WDFY1: variants seen among roughly 807,000 people sequenced by gnomAD.
WDFY1 encodes the protein WD repeat and FYVE domain-containing protein 1.
A neutral mutation model predicts 56.4 loss-of-function variants in WDFY1; 32 were observed. The observed-to-expected ratio is 0.57, with a 90% confidence interval of 0.43 to 0.76. The LOEUF (loss-of-function observed/expected upper bound fraction) is 0.76. Ranked by LOEUF, WDFY1 falls within the 30% of genes least tolerant of loss-of-function variation. WDFY1 has a pLI of 0.00. For synonymous variants in WDFY1, 192 were observed against 197.3 expected, an observed-to-expected ratio of 0.97 and a Z score of 0.23; for missense variants, 480 against 545.7, an observed-to-expected ratio of 0.88 and a Z score of 1.20.
chr2:223,942,004 TC>T (rs1252365205), intron 1 of WDFY1, among the ~76,000 whole-genome samples: 1 of 152,144 alleles, frequency 6.6e-6, no homozygotes, highest in Non-Finnish European at 1.5e-5. Context: ...CCCATCCTGG[TC>T]CAGTCATCTA....
intron 2 of WDFY1, 62 bp downstream of exon 2, chr2:223,917,881 A>T: frequency 6.3e-7 from 1 of 1,598,650 alleles, no homozygotes; most frequent in Non-Finnish European, 8.6e-7. Flanking sequence ...CGACATTTTG[A>T]AATTTAAATC....
Position 223,895,647 on chromosome 2 carries a change from G to A in WDFY1, c.599-17C>T, listed in dbSNP as rs200578393. On this transcript the variant is annotated splice_polypyrimidine_tract_variant and intron_variant, in intron 6 of 11. Coordinates refer to ENST00000233055, the MANE Select transcript of WDFY1 (RefSeq NM_020830.5). ...CGACACTACCTAGGGATTTGTGAGA[G>A]AGAGAGAGAGAGGGAGGCAGGGGAG... The A allele has an allele frequency of 6.2e-7, 1 of 1,611,692 alleles. No homozygotes were observed. The highest frequency in any genetic ancestry group is 8.5e-7 in the Non-Finnish European group (1 of 1,178,416).
intron 1 of WDFY1, among the ~76,000 whole-genome samples, chr2:223,939,224 C>T (rs1267447685): frequency 6.6e-6 from 1 of 152,152 alleles, no homozygotes; most frequent in Non-Finnish European, 1.5e-5. Context: ...GGGTGGGGTC[C>T]AGCAACCCGA....
At chr2:223,884,909 T>C (rs990784750) in intron 8 of WDFY1, among the ~76,000 whole-genome samples, 160 bp from the exon 9 acceptor site, 3 of 151,012 alleles carry the variant, frequency 2.0e-5, no homozygotes, top group Non-Finnish European at 4.4e-5. Context: ...ATGTGTGATC[T>C]TGGCTCACTG....
intron 3 of WDFY1, among the ~76,000 whole-genome samples, chr2:223,911,264 T>C (rs1293166721): frequency 2.0e-5 from 3 of 152,028 alleles, no homozygotes; most frequent in Non-Finnish European, 2.9e-5. Flanking sequence ...TGACTGCTAA[T>C]GGGTATGGGA....
chr2:223,884,629 C>T lies in WDFY1; in HGVS notation c.933+19G>A. The T allele has an allele frequency of 5.0e-6, 8 of 1,610,606 alleles. No individual in the cohort carries two copies. Among genetic ancestry groups the T allele is most frequent in the Non-Finnish European group, 6.8e-6 (8 of 1,176,904 alleles). ...AAATACACAATCAAGCCAGAGATGA[C>T]TCGACAGTGGCTACTCACTTGTCTT... On this transcript the variant is annotated intron_variant, in intron 9 of 11. Coordinates refer to ENST00000233055, the MANE Select transcript of WDFY1 (RefSeq NM_020830.5).
chr2:223,945,052 C>A (rs967199709), intron 1 of WDFY1, 96 bp downstream of exon 1: 9 of 1,374,656 alleles, frequency 6.5e-6, no homozygotes, highest in South Asian at 1.4e-5. Flanking sequence ...GCCGGGGGAG[C>A]CCCCTCACGC....
chr2:223,903,842 A>C (rs985444941), intron 4 of WDFY1, among the ~76,000 whole-genome samples: 6 of 151,686 alleles, frequency 4.0e-5, no homozygotes, highest in Admixed American at 1.3e-4. Flanking sequence ...TGGTCTCTCT[A>C]TGTTGCCCAG....
chr2:223,936,382 A>C (rs372353429), intron 1 of WDFY1, among the ~76,000 whole-genome samples: 14 of 152,306 alleles, frequency 9.2e-5, no homozygotes, highest in East Asian at 3.9e-4. Context: ...TTTTACAGAC[A>C]TGATTAAATA....
At chr2:223,936,679 G>C (rs753767424) in intron 1 of WDFY1, among the ~76,000 whole-genome samples, 1 of 152,132 alleles carries the variant, frequency 6.6e-6, no homozygotes. Context: ...ATCCAGAGGG[G>C]ACCTCACCAT....
At chr2:223,940,087 G>A (rs1487362287) in intron 1 of WDFY1, among the ~76,000 whole-genome samples, 2 of 152,210 alleles carry the variant, frequency 1.3e-5, no homozygotes, top group African/African-American at 4.8e-5. Context: ...TTGGGAGGCC[G>A]AGGCGGGTGG....
At chr2:223,887,059 T>C (rs1693185283) in intron 8 of WDFY1, among the ~76,000 whole-genome samples, 1 of 152,244 alleles carries the variant, frequency 6.6e-6, no homozygotes, top group Admixed American at 6.5e-5. Flanking sequence ...CTGGGGAATG[T>C]TGGAGATGAG....
chr2:223,933,120 G>T lies in WDFY1; in HGVS notation c.137+12028C>A, dbSNP rs190707199. ...TTTATTCTCTAAATTAAAAGGCAGA[G>T]AAACCAGCCTCATTTTGTAGAGGAG... is the stretch of plus-strand genomic sequence containing the variant. On this transcript the variant is annotated intron_variant, in intron 1 of 11. Transcript: ENST00000233055. 7.8e-5 allele frequency among the ~76,000 whole-genome samples: 8 copies of T among 103,196 alleles called. No individual in the cohort carries two copies. The East Asian group carries it at 1.6e-3, about 20-fold the overall frequency. 67.7% of individuals were successfully genotyped at this position (103,196 alleles called of 152,430 possible). A position where few individuals can be genotyped will look rare whatever the true frequency, so the allele number is the denominator to read the frequency against.
rs1030670765 is a variant in WDFY1, at chr2:223,875,401, A to C, written c.*3270T>G. ...CATTTTCTCAAAAAAAAAAACCCACAAAAACAGAACCCACAAATAGGAGCA... is the reference window on the plus strand; with the variant it reads ...CATTTTCTCAAAAAAAAAAACCCACCAAAACAGAACCCACAAATAGGAGCA... On this transcript the variant is annotated 3_prime_UTR_variant, in exon 12 of 12. Coordinates refer to ENST00000233055, the MANE Select transcript of WDFY1 (RefSeq NM_020830.5). 9 of 151,728 alleles carry C rather than the reference A, an allele frequency of 5.9e-5. No homozygotes were observed. The highest frequency in any genetic ancestry group is 1.2e-4 in the Non-Finnish European group (8 of 67,926). The allele number at this position is 151,728 out of a possible 1,614,324, so 9.4% of individuals were successfully genotyped here.
At chr2:223,915,779 T>C (rs556161663) in intron 2 of WDFY1, among the ~76,000 whole-genome samples, 18 of 152,320 alleles carry the variant, frequency 1.2e-4, no homozygotes, top group Non-Finnish European at 5.9e-5. Flanking sequence ...AGAAGTCTTT[T>C]TGGGAGACTG....
chr2:223,901,140 G>C, intron 5 of WDFY1, 43 bp downstream of exon 5: 1 of 1,582,654 alleles, frequency 6.3e-7, no homozygotes, highest in East Asian at 2.3e-5. Flanking sequence ...ACACTGAGAA[G>C]CAGAGGCCAG....
At chr2:223,923,571 C>T (rs556562146) in intron 1 of WDFY1, among the ~76,000 whole-genome samples, 2 of 152,252 alleles carry the variant, frequency 1.3e-5, no homozygotes, top group South Asian at 2.1e-4. Flanking sequence ...ACCATCCTGG[C>T]TAACATGGTG....
At chr2:223,941,549 GC>G (rs997094977) in intron 1 of WDFY1, among the ~76,000 whole-genome samples, 60 of 152,192 alleles carry the variant, frequency 3.9e-4, no homozygotes, top group African/African-American at 1.4e-3. Flanking sequence ...AGCCCAAAGA[GC>G]CTCCTCTTCC....
chr2:223,904,278 G>A (rs650139), intron 4 of WDFY1, among the ~76,000 whole-genome samples: 141,444 of 151,984 alleles, frequency 0.93, 65,885 homozygotes, highest in South Asian at 0.96. Flanking sequence ...TTGAGAAGGA[G>A]TCTCGCTCTG....
Sources: gnomAD v4.1 joint callset for allele counts (sites outside exome capture counted in the v4.1 genomes callset) on GRCh38, gnomAD v4.1.1 for gene constraint, MANE v1.5 for transcripts, NCBI Gene and HGNC (gene_info 2026-07-23, HGNC 2026-07-21) for gene names.